The following RCAN2 variants were observed in gnomAD, a reference collection of about 807,000 sequenced individuals.
RCAN2 encodes the protein calcipressin-2.
In RCAN2, 9 loss-of-function variants were observed where a neutral mutation model predicts 23.6. The ratio of observed to expected loss-of-function variants is 0.38; its 90% CI spans 0.23 to 0.67. RCAN2 has a LOEUF of 0.67. Ranked by LOEUF, RCAN2 falls within the 30% of genes least tolerant of loss-of-function variation. The probability of loss-of-function intolerance (pLI) is 0.51; values close to 1 mark genes in which losing one functional copy is unlikely to be tolerated. For missense variants in RCAN2, 273 were observed against 302.3 expected, an observed-to-expected ratio of 0.90 and a Z score of 0.72; for synonymous variants, 109 against 115.7, an observed-to-expected ratio of 0.94 and a Z score of 0.37.
At chr6:46,472,272 A>G (rs1350661960) in intron 1 of RCAN2, among the ~76,000 whole-genome samples, 1 of 152,194 alleles carries the variant, frequency 6.6e-6, no homozygotes, top group Admixed American at 6.5e-5. Context: ...ACTCCAAACA[A>G]TGTAATGGAA....
At chr6:46,311,109 C>T (rs1270674109) in intron 2 of RCAN2, among the ~76,000 whole-genome samples, 2 of 152,124 alleles carry the variant, frequency 1.3e-5, no homozygotes, top group Non-Finnish European at 2.9e-5. Flanking sequence ...GGAAAACTTC[C>T]CAAGACTGCA....
At chr6:46,436,173 C>T (rs1276956855) in intron 2 of RCAN2, among the ~76,000 whole-genome samples, 3 of 152,152 alleles carry the variant, frequency 2.0e-5, no homozygotes, top group Admixed American at 6.5e-5. Flanking sequence ...CTCTTTGGTG[C>T]GTTATGCAGC....
chr6:46,281,256 C>T (rs1767901922), intron 2 of RCAN2, among the ~76,000 whole-genome samples: 1 of 152,156 alleles, frequency 6.6e-6, no homozygotes, highest in Non-Finnish European at 1.5e-5. Flanking sequence ...ATGGCATCTG[C>T]CTTTATTATA....
chr6:46,333,983 C>T (rs1355380558), intron 2 of RCAN2, among the ~76,000 whole-genome samples: 1 of 152,234 alleles, frequency 6.6e-6, no homozygotes, highest in Non-Finnish European at 1.5e-5. Context: ...TATGATACCT[C>T]ACTTGAGTCT....
chr6:46,279,362 C>T (rs116706033), intron 2 of RCAN2, among the ~76,000 whole-genome samples: 2,874 of 152,240 alleles, frequency 0.019, 84 homozygotes, highest in African/African-American at 0.062. Context: ...GTCTTGCTCT[C>T]GAGAGGTTTG....
intron 2 of RCAN2, among the ~76,000 whole-genome samples, chr6:46,322,335 G>A (rs184262697): frequency 1.3e-5 from 2 of 152,290 alleles, no homozygotes; most frequent in Admixed American, 6.5e-5. Context: ...CAGAACAGAC[G>A]GCTAAGTTCA....
At chr6:46,430,314 G>T (rs1767158377) in intron 2 of RCAN2, among the ~76,000 whole-genome samples, 1 of 152,168 alleles carries the variant, frequency 6.6e-6, no homozygotes, top group African/African-American at 2.4e-5. Flanking sequence ...GAGGGAGAAG[G>T]AGAGCTTCTG....
intron 2 of RCAN2, among the ~76,000 whole-genome samples, chr6:46,451,856 T>C (rs1424476968): frequency 6.6e-6 from 1 of 152,188 alleles, no homozygotes; most frequent in Non-Finnish European, 1.5e-5. Context: ...CCCATTCTAG[T>C]AGAATATACT....
At chr6:46,456,518 A>G (rs1285066322) in intron 2 of RCAN2, among the ~76,000 whole-genome samples, 1 of 152,248 alleles carries the variant, frequency 6.6e-6, no homozygotes, top group African/African-American at 2.4e-5. Flanking sequence ...TAGACCTGTG[A>G]GTCACAGAGG....
At chr6:46,301,738 G>A (rs1762909199) in intron 2 of RCAN2, among the ~76,000 whole-genome samples, 1 of 151,966 alleles carries the variant, frequency 6.6e-6, no homozygotes, top group African/African-American at 2.4e-5. Flanking sequence ...TCTCTTGGGA[G>A]GCAATAAAAA....
At chr6:46,379,127 G>A (rs1034851761) in intron 2 of RCAN2, among the ~76,000 whole-genome samples, 1 of 152,198 alleles carries the variant, frequency 6.6e-6, no homozygotes, top group African/African-American at 2.4e-5. Flanking sequence ...TAGGAGGCAG[G>A]TGAGTAAGAA....
intron 2 of RCAN2, among the ~76,000 whole-genome samples, chr6:46,452,316 G>A (rs1005537618): frequency 3.3e-5 from 5 of 152,100 alleles, no homozygotes; most frequent in East Asian, 3.9e-4. Context: ...AATCTAGATG[G>A]ACTAATTTAT....
intron 2 of RCAN2, among the ~76,000 whole-genome samples, chr6:46,263,777 A>G (rs1453200142): frequency 6.6e-6 from 1 of 152,142 alleles, no homozygotes; most frequent in Non-Finnish European, 1.5e-5. Context: ...GAGGATAAAA[A>G]TAATAGTTGG....
intron 2 of RCAN2, among the ~76,000 whole-genome samples, chr6:46,426,171 T>C (rs1767026857): frequency 6.6e-6 from 1 of 152,068 alleles, no homozygotes; most frequent in Admixed American, 6.5e-5. Flanking sequence ...AGTGCTGGGA[T>C]TACAGGCATG....
intron 2 of RCAN2, among the ~76,000 whole-genome samples, chr6:46,434,362 G>A (rs1016537706): frequency 6.6e-6 from 1 of 152,198 alleles, no homozygotes; most frequent in Non-Finnish European, 1.5e-5. Flanking sequence ...AGGTGTCTGT[G>A]AAGCAAACTC....
intron 1 of RCAN2, among the ~76,000 whole-genome samples, chr6:46,475,854 C>A (rs1386655118): frequency 1.3e-5 from 2 of 152,194 alleles, no homozygotes; most frequent in African/African-American, 4.8e-5. Context: ...ATGATCCCTG[C>A]CCTCACAGCT....
intron 2 of RCAN2, among the ~76,000 whole-genome samples, chr6:46,306,692 C>A (rs1763080600): frequency 6.6e-6 from 1 of 152,100 alleles, no homozygotes; most frequent in Admixed American, 6.5e-5. Context: ...GCAGCATCAG[C>A]ACACTGCTTC....
Position 46,223,069 on chromosome 6 carries a change from T to G in RCAN2, c.*72A>C, listed in dbSNP as rs17853844. ...AACACCCAGGAATTTAAAGGCAATT[T>G]TTTTTGACAAACAACAGGGGGAAAA... On this transcript the variant is annotated 3_prime_UTR_variant, in exon 5 of 5. Transcript: ENST00000371374. 24 of 1,545,228 alleles carry G rather than the reference T, an allele frequency of 1.6e-5. No homozygotes were observed. Among genetic ancestry groups the G allele is most frequent in the Non-Finnish European group, 2.0e-5 (23 of 1,139,168 alleles).
At position 46,221,388 on chromosome 6, in the gene RCAN2, C is replaced by A. The variant is rs1765471900; in HGVS notation, c.*1753G>T. ...TCTTCCACTAGAGGACACCATTTCT[C>A]CACTACTAAGTCTGTAGTCGTTTAT... On this transcript the variant is annotated 3_prime_UTR_variant, in exon 5 of 5. Transcript: ENST00000371374. 6.6e-6 allele frequency: 1 copy of A among 152,614 alleles called. No homozygotes were observed. The highest frequency in any genetic ancestry group is 1.5e-5 in the Non-Finnish European group (1 of 68,042). 9.5% of individuals were successfully genotyped at this position (152,614 alleles called of 1,614,324 possible).
Sources: gnomAD v4.1 joint callset for allele counts (sites outside exome capture counted in the v4.1 genomes callset) on GRCh38, gnomAD v4.1.1 for gene constraint, MANE v1.5 for transcripts, NCBI Gene and HGNC (gene_info 2026-07-23, HGNC 2026-07-21) for gene names.